Variants in FIGN observed in about 807,000 individuals in gnomAD.
FIGN encodes the protein fidgetin.
FIGN carries 11 observed loss-of-function variants against 51.3 expected under a neutral mutation model. That is an observed-to-expected ratio of 0.21 (90% CI 0.13 to 0.35). FIGN has a LOEUF of 0.35. FIGN is among the 10% of genes least tolerant of loss of function. FIGN has a pLI of 1.00. For synonymous variants in FIGN, 407 were observed against 363.2 expected, an observed-to-expected ratio of 1.12 and a Z score of -1.37; for missense variants, 857 against 943.6, an observed-to-expected ratio of 0.91 and a Z score of 1.20.
At chr2:163,669,275 A>G (rs945506286) in intron 2 of FIGN, among the ~76,000 whole-genome samples, 8 of 152,084 alleles carry the variant, frequency 5.3e-5, no homozygotes, top group African/African-American at 1.2e-4. Flanking sequence ...CAGTGGCCCA[A>G]TTACAACTCA....
At chr2:163,696,827 C>T (rs1684327001) in intron 2 of FIGN, among the ~76,000 whole-genome samples, 2 of 148,524 alleles carry the variant, frequency 1.3e-5, no homozygotes, top group Admixed American at 1.3e-4. Flanking sequence ...ACCACCGTGT[C>T]TGGCTAATTT....
At chr2:163,676,715 C>G (rs1683976077) in intron 2 of FIGN, among the ~76,000 whole-genome samples, 1 of 151,746 alleles carries the variant, frequency 6.6e-6, no homozygotes, top group Non-Finnish European at 1.5e-5. Context: ...CTCAAATACC[C>G]AATTTTATTT....
chr2:163,690,915 T>C (rs1684230354), intron 2 of FIGN, among the ~76,000 whole-genome samples: 1 of 152,086 alleles, frequency 6.6e-6, no homozygotes, highest in African/African-American at 2.4e-5. Context: ...TAAAACATTT[T>C]TTAAACTATA....
intron 2 of FIGN, among the ~76,000 whole-genome samples, chr2:163,675,818 T>C (rs1294514293): frequency 1.4e-5 from 2 of 144,544 alleles, no homozygotes; most frequent in African/African-American, 5.0e-5. Context: ...ATTCATCATA[T>C]ATAATATATA....
At chr2:163,682,130 T>G (rs762013867) in intron 2 of FIGN, among the ~76,000 whole-genome samples, 1 of 152,172 alleles carries the variant, frequency 6.6e-6, no homozygotes, top group Non-Finnish European at 1.5e-5. Context: ...GTTGCAATCT[T>G]TTGTTAAAAC....
At chr2:163,675,820 T>C (rs1228824355) in intron 2 of FIGN, among the ~76,000 whole-genome samples, 1 of 144,866 alleles carries the variant, frequency 6.9e-6, no homozygotes, top group Non-Finnish European at 1.5e-5. Flanking sequence ...TCATCATATA[T>C]AATATATATA....
At chr2:163,669,934 A>C (rs762874461) in intron 2 of FIGN, among the ~76,000 whole-genome samples, 5 of 152,202 alleles carry the variant, frequency 3.3e-5, no homozygotes, top group African/African-American at 4.8e-5. Context: ...TAACCTACTA[A>C]TGGTTACAGA....
chr2:163,675,015 T>A (rs1183774089), intron 2 of FIGN, among the ~76,000 whole-genome samples: 1 of 152,232 alleles, frequency 6.6e-6, no homozygotes, highest in Non-Finnish European at 1.5e-5. Context: ...CTAAAACCTG[T>A]TCACATTTAA....
chr2:163,610,734 G>A lies in FIGN; in HGVS notation c.1098C>T (p.Asp366=). 1.2e-6 allele frequency: 2 copies of A among 1,614,180 alleles called. No homozygotes were observed. The highest frequency in any genetic ancestry group is 1.7e-6 in the Non-Finnish European group (2 of 1,180,030). The change falls in exon 3 of 3, where the codon GAC becomes GAT. Residue 366 remains aspartate (D), a synonymous_variant. Coordinates refer to ENST00000333129, the MANE Select transcript of FIGN (RefSeq NM_018086.4). ...CTAAGGATGATGTTTCAGCACTTCT[G>A]TCAAAGCCATTCCCCCGATTTGTGT... ...ISNTNRGNGF[D]RSAETSSLAF...
intron 2 of FIGN, among the ~76,000 whole-genome samples, chr2:163,675,797 A>C (rs1683952163): frequency 6.8e-6 from 1 of 146,810 alleles, no homozygotes; most frequent in South Asian, 2.1e-4. Flanking sequence ...GGAGGACAGA[A>C]GATGAGTAGG....
intron 2 of FIGN, among the ~76,000 whole-genome samples, chr2:163,662,939 C>A (rs1683713263): frequency 1.3e-5 from 2 of 152,208 alleles, no homozygotes; most frequent in South Asian, 4.1e-4. Flanking sequence ...ACTTTCACCT[C>A]CTGCCATGCT....
intron 2 of FIGN, among the ~76,000 whole-genome samples, chr2:163,677,175 A>T (rs1002200570): frequency 6.6e-6 from 1 of 152,222 alleles, no homozygotes; most frequent in African/African-American, 2.4e-5. Context: ...CTGAAAGATG[A>T]TATGGCTTAT....
intron 2 of FIGN, among the ~76,000 whole-genome samples, chr2:163,703,404 A>G (rs1390503903): frequency 6.6e-6 from 1 of 152,150 alleles, no homozygotes; most frequent in Non-Finnish European, 1.5e-5. Context: ...AAGGTTGAAC[A>G]TGCAAATTTG....
In FIGN at chr2:163,609,757, T is replaced by C; in HGVS notation, c.2075A>G (p.Asp692Gly). The C allele has an allele frequency of 1.2e-6, 2 of 1,614,116 alleles. No individual in the cohort carries two copies. Among genetic ancestry groups the C allele is most frequent in the Non-Finnish European group, 1.7e-6 (2 of 1,180,008 alleles). Reference protein sequence around the residue: ...VQRTEGFSGLDVAHLCQEAVV... With the variant: ...VQRTEGFSGLGVAHLCQEAVV... ...TGCTTCCTGACACAAATGAGCCACA[T>C]CTAGTCCAGAAAAGCCTTCTGTGCG... Residue 692 changes from aspartate to glycine, a missense_variant, in exon 3 of 3, where the codon GAT becomes GGT. By Grantham distance (94) the Asp-to-Gly change is moderately conservative. Transcript: ENST00000333129.
At chr2:163,662,800 T>C (rs533722007) in intron 2 of FIGN, among the ~76,000 whole-genome samples, 3 of 152,318 alleles carry the variant, frequency 2.0e-5, no homozygotes, top group East Asian at 3.9e-4. Context: ...AACTGAATCA[T>C]GGGGGCTGGT....
chr2:163,646,553 A>C (rs982207941), intron 2 of FIGN, among the ~76,000 whole-genome samples: 7 of 152,230 alleles, frequency 4.6e-5, no homozygotes, highest in African/African-American at 1.7e-4. Context: ...TTAAAAAAAG[A>C]CAGCTATATG....
chr2:163,701,696 T>C (rs575633925), intron 2 of FIGN, among the ~76,000 whole-genome samples: 1 of 152,332 alleles, frequency 6.6e-6, no homozygotes, highest in East Asian at 1.9e-4. Flanking sequence ...TTTTTGCTTC[T>C]CACTAGAGTA....
chr2:163,674,806 T>C (rs1231832539), intron 2 of FIGN, among the ~76,000 whole-genome samples: 5 of 152,062 alleles, frequency 3.3e-5, no homozygotes, highest in Non-Finnish European at 7.4e-5. Context: ...GGTTGCTCTT[T>C]ACAACATTCT....
intron 2 of FIGN, among the ~76,000 whole-genome samples, chr2:163,670,648 T>C (rs1161957282): frequency 6.6e-6 from 1 of 152,238 alleles, no homozygotes; most frequent in African/African-American, 2.4e-5. Flanking sequence ...TCTTGGTCGA[T>C]GTATATATTG....
Sources: gnomAD v4.1 joint callset for allele counts (sites outside exome capture counted in the v4.1 genomes callset) on GRCh38, gnomAD v4.1.1 for gene constraint, MANE v1.5 for transcripts, NCBI Gene and HGNC (gene_info 2026-07-23, HGNC 2026-07-21) for gene names.